The following ESR1 variants were observed in gnomAD, a reference collection of about 807,000 sequenced individuals.
The protein encoded by ESR1 is estrogen receptor.
In ESR1, 12 loss-of-function variants were observed where a neutral mutation model predicts 52.7. The observed-to-expected ratio is 0.23, with a 90% confidence interval of 0.15 to 0.37. The LOEUF is 0.37. Among genes scored for constraint, ESR1 ranks in the 10% least tolerant of loss-of-function variants. The probability of loss-of-function intolerance (pLI) is 1.00; values close to 1 mark genes in which losing one functional copy is unlikely to be tolerated. For missense variants in ESR1, 584 were observed against 779.7 expected, an observed-to-expected ratio of 0.75 and a Z score of 2.99; for synonymous variants, 305 against 316.8, an observed-to-expected ratio of 0.96 and a Z score of 0.39.
chr6:151,988,908 A>G (rs2040764103), intron 4 of ESR1, among the ~76,000 whole-genome samples: 2 of 152,096 alleles, frequency 1.3e-5, no homozygotes, highest in South Asian at 2.1e-4. Context: ...AATACTTTTT[A>G]CAAAACTGAG....
chr6:151,792,602 G>A (rs1370248419), intron 2 of ESR1, among the ~76,000 whole-genome samples: 1 of 151,932 alleles, frequency 6.6e-6, no homozygotes, highest in Non-Finnish European at 1.5e-5. Flanking sequence ...ACTGCACCCA[G>A]CTAATTTTTA....
intron 4 of ESR1, among the ~76,000 whole-genome samples, chr6:151,968,729 A>C (rs1318254492): frequency 6.6e-6 from 1 of 152,090 alleles, no homozygotes; most frequent in Non-Finnish European, 1.5e-5. Context: ...GCCTCTCCCT[A>C]CACTGGGCGA....
chr6:152,115,011 A>C (rs2051193823), intron 6 of ESR1, among the ~76,000 whole-genome samples: 1 of 152,082 alleles, frequency 6.6e-6, no homozygotes, highest in African/African-American at 2.4e-5. Flanking sequence ...TCTAAAAAAC[A>C]AGTCATGCTC....
At chr6:151,711,184 T>C (rs533509739) in intron 2 of ESR1, among the ~76,000 whole-genome samples, 2 of 152,224 alleles carry the variant, frequency 1.3e-5, no homozygotes, top group East Asian at 3.9e-4. Context: ...AAAAGCATTC[T>C]TATTTCTCCA....
At chr6:151,788,926 G>A (rs562891247) in intron 2 of ESR1, among the ~76,000 whole-genome samples, 4 of 152,252 alleles carry the variant, frequency 2.6e-5, no homozygotes, top group South Asian at 2.1e-4. Context: ...CACATAGAGA[G>A]GAATAACAGA....
intron 3 of ESR1, among the ~76,000 whole-genome samples, chr6:151,902,858 A>G (rs958949599): frequency 6.6e-6 from 1 of 152,224 alleles, no homozygotes; most frequent in Non-Finnish European, 1.5e-5. Context: ...CAGTTTTAGT[A>G]TACTGTCATC....
intron 2 of ESR1, among the ~76,000 whole-genome samples, chr6:151,740,526 A>G (rs988128074): frequency 6.6e-6 from 1 of 151,846 alleles, no homozygotes; most frequent in African/African-American, 2.4e-5. Context: ...TCTCACCTCC[A>G]GGAAACTCTT....
In ESR1 at chr6:151,712,704, C is replaced by G. The variant is rs111505283; in HGVS notation, c.-71+10699C>G. Among the ~76,000 whole-genome samples, 62 of 152,276 alleles carry G rather than the reference C, an allele frequency of 4.1e-4. 1 individual carries two copies. Among genetic ancestry groups the G allele is most frequent in the African/African-American group, 1.5e-3 (62 of 41,552 alleles). On this transcript the variant is annotated intron_variant, in intron 2 of 2. Transcript: ENST00000404742. ...ATTGATTTTGTATCCTGAGACTTTGCTGAAGTTGCTTTTCAGATTAAGGAG... is the reference window on the plus strand; with the variant it reads ...ATTGATTTTGTATCCTGAGACTTTGGTGAAGTTGCTTTTCAGATTAAGGAG...
chr6:152,109,555 G>T (rs925004389), intron 6 of ESR1, among the ~76,000 whole-genome samples: 1 of 151,958 alleles, frequency 6.6e-6, no homozygotes, highest in Admixed American at 6.6e-5. Flanking sequence ...GTGTGGTGGT[G>T]CATGCCTGTA....
intron 3 of ESR1, among the ~76,000 whole-genome samples, chr6:151,907,472 T>A (rs1448267128): frequency 6.6e-6 from 1 of 152,104 alleles, no homozygotes; most frequent in Non-Finnish European, 1.5e-5. Flanking sequence ...CATATCTTTT[T>A]AAAAATTATA....
intron 1 of ESR1, among the ~76,000 whole-genome samples, chr6:151,670,764 T>G (rs1778026060): frequency 2.1e-5 from 2 of 97,496 alleles, no homozygotes; most frequent in African/African-American, 5.1e-5. Context: ...TTGTTTTCGT[T>G]TTTTTTTTTT....
chr6:151,660,262 C>G (rs957047320), intron 1 of ESR1, among the ~76,000 whole-genome samples: 2 of 152,152 alleles, frequency 1.3e-5, no homozygotes, highest in Admixed American at 1.3e-4. Flanking sequence ...TTCCTAAACT[C>G]TTAACTTTGT....
chr6:151,959,750 A>G (rs538960283), intron 4 of ESR1, among the ~76,000 whole-genome samples: 1 of 152,262 alleles, frequency 6.6e-6, no homozygotes, highest in Admixed American at 6.5e-5. Context: ...GCAAAAATAA[A>G]CTGAAGTTGG....
intron 1 of ESR1, among the ~76,000 whole-genome samples, chr6:151,698,068 G>T (rs1779496984): frequency 6.6e-6 from 1 of 151,932 alleles, no homozygotes. Flanking sequence ...CTGCACTCCA[G>T]CCTGGGCGAC....
chr6:151,876,848 A>G (rs926895815), intron 2 of ESR1, among the ~76,000 whole-genome samples: 3 of 152,052 alleles, frequency 2.0e-5, no homozygotes, highest in African/African-American at 4.8e-5. Context: ...TATTTTTCCA[A>G]ACCTTCACCT....
At chr6:151,996,486 G>T (rs934519593) in intron 4 of ESR1, among the ~76,000 whole-genome samples, 21 of 152,156 alleles carry the variant, frequency 1.4e-4, no homozygotes, top group Admixed American at 1.1e-3. Context: ...AAGCCCCTCT[G>T]CCTTCGTGGA....
At chr6:151,885,602 C>A (rs542208231) in intron 3 of ESR1, among the ~76,000 whole-genome samples, 2 of 152,190 alleles carry the variant, frequency 1.3e-5, no homozygotes, top group Non-Finnish European at 2.9e-5. Flanking sequence ...CGGTGGCTTA[C>A]GCCTGTAATC....
intron 3 of ESR1, among the ~76,000 whole-genome samples, chr6:151,881,037 G>A (rs1052157562): frequency 3.3e-5 from 5 of 152,196 alleles, no homozygotes; most frequent in Non-Finnish European, 5.9e-5. Context: ...TCAAAGGTGT[G>A]TGGGAGGCGG....
intron 5 of ESR1, among the ~76,000 whole-genome samples, chr6:152,021,493 A>G (rs2043647153): frequency 6.6e-6 from 1 of 152,230 alleles, no homozygotes; most frequent in South Asian, 2.1e-4. Context: ...AAGGAGATAT[A>G]GAAAACACAC....
Sources: gnomAD v4.1 joint callset for allele counts (sites outside exome capture counted in the v4.1 genomes callset) on GRCh38, gnomAD v4.1.1 for gene constraint, MANE v1.5 for transcripts, NCBI Gene and HGNC (gene_info 2026-07-23, HGNC 2026-07-21) for gene names.